Variants in SLC24A2 observed in about 807,000 individuals in gnomAD.
SLC24A2 encodes the protein solute carrier family 24 member 2, also known as sodium/potassium/calcium exchanger 2.
In SLC24A2, 36 loss-of-function variants were observed where a neutral mutation model predicts 62.0. The ratio of observed to expected loss-of-function variants is 0.58; its 90% CI spans 0.44 to 0.77. SLC24A2 has a LOEUF of 0.77. Among genes scored for constraint, SLC24A2 ranks in the 30% least tolerant of loss-of-function variants. The pLI is 0.00. For missense variants in SLC24A2, 846 were observed against 817.9 expected (o/e 1.03, Z -0.42); for synonymous variants, 358 against 294.0 (o/e 1.22, Z -2.23).
At chr9:20,185,404 G>A in the SLC24A2 span, among the ~76,000 whole-genome samples, 5,983 of 151,900 alleles carry the variant, frequency 0.039, 157 homozygotes, top group East Asian at 0.087. Context: ...CGCGGCTCAC[G>A]CCTGTAATCC....
chr9:19,834,330 A>C, the SLC24A2 span, among the ~76,000 whole-genome samples: 2 of 152,124 alleles, frequency 1.3e-5, no homozygotes, highest in Non-Finnish European at 2.9e-5. Context: ...ACTTTGAAAA[A>C]AAATTAGACG....
chr9:19,673,444 CGTGTGTGTGT>C (rs58616827), intron 2 of SLC24A2, among the ~76,000 whole-genome samples: 2 of 129,880 alleles, frequency 1.5e-5, no homozygotes, highest in East Asian at 3.9e-4. Context: ...TGTGTGTGTG[CGTGTGTGTGT>C]GTGTGTGTGT....
intron 8 of SLC24A2, among the ~76,000 whole-genome samples, chr9:19,534,576 C>G (rs1833866929): frequency 6.6e-6 from 1 of 151,446 alleles, no homozygotes; most frequent in South Asian, 2.1e-4. Context: ...TCTCATTGTT[C>G]AACTCCCACT....
intron 5 of SLC24A2, among the ~76,000 whole-genome samples, chr9:19,579,647 A>G (rs200435703): frequency 1.3e-4 from 20 of 152,252 alleles, no homozygotes; most frequent in Non-Finnish European, 2.5e-4. Context: ...AAAGCAGGAA[A>G]GCATTCAGAA....
chr9:19,752,977 T>C (rs75964188), intron 2 of SLC24A2, among the ~76,000 whole-genome samples: 5,288 of 152,234 alleles, frequency 0.035, 135 homozygotes, highest in East Asian at 0.09. Flanking sequence ...TGAGGACAAA[T>C]AGCAGATGCA....
chr9:19,752,042 C>T (rs1256108865), intron 2 of SLC24A2, among the ~76,000 whole-genome samples: 2 of 152,162 alleles, frequency 1.3e-5, no homozygotes, highest in Admixed American at 6.5e-5. Context: ...CCACTTTCCA[C>T]GTAGTCAAAA....
the SLC24A2 span, among the ~76,000 whole-genome samples, chr9:20,264,229 C>G: frequency 1.3e-5 from 2 of 152,222 alleles, no homozygotes; most frequent in African/African-American, 2.4e-5. Context: ...ACCTCAGTTT[C>G]CACACCTATA....
At chr9:19,810,517 G>T in the SLC24A2 span, among the ~76,000 whole-genome samples, 1 of 152,184 alleles carries the variant, frequency 6.6e-6, no homozygotes, top group Non-Finnish European at 1.5e-5. Context: ...GGTCACTGGA[G>T]GAAATGGGTT....
At chr9:19,944,350 A>G in the SLC24A2 span, among the ~76,000 whole-genome samples, 1 of 151,918 alleles carries the variant, frequency 6.6e-6, no homozygotes, top group Non-Finnish European at 1.5e-5. Context: ...GAGAGGTAGT[A>G]TCAATTTATA....
chr9:20,010,766 C>A, the SLC24A2 span, among the ~76,000 whole-genome samples: 133 of 128,240 alleles, frequency 1.0e-3, no homozygotes, highest in African/African-American at 3.4e-3. Context: ...CCCCTCCCCC[C>A]ACCCCATGAC....
chr9:19,612,579 C>T (rs1235823834), intron 4 of SLC24A2, among the ~76,000 whole-genome samples: 1 of 152,196 alleles, frequency 6.6e-6, no homozygotes, highest in Non-Finnish European at 1.5e-5. Context: ...ATAAACAAAT[C>T]ATCCAAGGTC....
the SLC24A2 span, among the ~76,000 whole-genome samples, chr9:20,006,006 C>G: frequency 0.4 from 60,723 of 151,370 alleles, 12,873 homozygotes; most frequent in Non-Finnish European, 0.46. Context: ...TCTGTCATAC[C>G]ACATATATAT....
At chr9:19,920,603 G>T in the SLC24A2 span, among the ~76,000 whole-genome samples, 1 of 152,264 alleles carries the variant, frequency 6.6e-6, no homozygotes, top group Admixed American at 6.5e-5. Flanking sequence ...GAGCCTGAAA[G>T]GAGCCCACCT....
At chr9:19,977,364 T>C in the SLC24A2 span, among the ~76,000 whole-genome samples, 2 of 152,002 alleles carry the variant, frequency 1.3e-5, no homozygotes, top group African/African-American at 4.8e-5. Flanking sequence ...GTGGGTGGCT[T>C]GGGATGGTGG....
the SLC24A2 span, among the ~76,000 whole-genome samples, chr9:19,895,404 G>T: frequency 2.6e-5 from 4 of 152,026 alleles, no homozygotes; most frequent in Admixed American, 6.5e-5. Context: ...TTAGGCACTG[G>T]GGGATATTGT....
At chr9:20,260,794 C>T in the SLC24A2 span, among the ~76,000 whole-genome samples, 1 of 151,376 alleles carries the variant, frequency 6.6e-6, no homozygotes, top group African/African-American at 2.4e-5. Context: ...TCCTTTATTC[C>T]TCACCACCCC....
intron 5 of SLC24A2, among the ~76,000 whole-genome samples, chr9:19,593,834 G>A (rs1295358222): frequency 6.6e-6 from 1 of 152,106 alleles, no homozygotes; most frequent in Admixed American, 6.5e-5. Context: ...AAATTAGTCT[G>A]CTTCTCTGAG....
chr9:19,858,347 A>C, the SLC24A2 span, among the ~76,000 whole-genome samples: 1 of 152,208 alleles, frequency 6.6e-6, no homozygotes, highest in Non-Finnish European at 1.5e-5. Flanking sequence ...CATACACAAA[A>C]ATTAACTCAA....
At chr9:19,768,914 G>A (rs374241116) in intron 2 of SLC24A2, among the ~76,000 whole-genome samples, 53 of 152,192 alleles carry the variant, frequency 3.5e-4, no homozygotes, top group African/African-American at 1.2e-3. Flanking sequence ...ATGAATCCCA[G>A]GACTTAGGCC....
Sources: allele counts gnomAD v4.1 joint callset (sites outside exome capture counted in the v4.1 genomes callset), GRCh38; gene constraint gnomAD v4.1.1; transcripts MANE v1.5; gene names NCBI Gene and HGNC (gene_info 2026-07-23, HGNC 2026-07-21).